STK32C: variants seen among roughly 807,000 people sequenced by gnomAD.
The protein encoded by STK32C is serine/threonine-protein kinase 32C.
Under a neutral mutation model 56.5 loss-of-function variants are expected in STK32C, and 31 were observed. The ratio of observed to expected loss-of-function variants is 0.55; its 90% CI spans 0.41 to 0.74. STK32C has a LOEUF of 0.74. STK32C is among the 30% of genes least tolerant of loss of function. The probability of loss-of-function intolerance (pLI) is 0.00; values close to 1 mark genes in which losing one functional copy is unlikely to be tolerated. For synonymous variants in STK32C, 309 were observed against 289.4 expected, an observed-to-expected ratio of 1.07 and a Z score of -0.69; for missense variants, 544 against 676.9, an observed-to-expected ratio of 0.80 and a Z score of 2.18.
At chr10:132,225,851 C>G in intron 4 of STK32C, 67 bp from the exon 5 acceptor site, 1 of 1,603,616 alleles carries the variant, frequency 6.2e-7, no homozygotes, top group Non-Finnish European at 8.5e-7. Context: ...GAATCTCTGT[C>G]ACAATCCCTG....
chr10:132,292,483 A>G (rs751224696), intron 1 of STK32C, among the ~76,000 whole-genome samples: 11 of 152,218 alleles, frequency 7.2e-5, no homozygotes, highest in African/African-American at 2.7e-4. Flanking sequence ...TCATGCATGC[A>G]CACACATTCA....
chr10:132,312,086 A>G (rs2066233981), upstream of STK32C, among the ~76,000 whole-genome samples: 1 of 152,188 alleles, frequency 6.6e-6, no homozygotes, highest in Non-Finnish European at 1.5e-5. Flanking sequence ...GGCTCACTGC[A>G]GCCTCGACCT....
intron 1 of STK32C, among the ~76,000 whole-genome samples, chr10:132,268,538 A>AC (rs2064685008): frequency 1.3e-5 from 1 of 76,014 alleles, no homozygotes; most frequent in African/African-American, 7.5e-5. Flanking sequence ...CATGCGTCAC[A>AC]TTGTGTGTGT....
chr10:132,211,340 C>T (rs539084492), intron 10 of STK32C, among the ~76,000 whole-genome samples: 2 of 152,236 alleles, frequency 1.3e-5, no homozygotes, highest in South Asian at 2.1e-4. Flanking sequence ...CTGGGGTGGG[C>T]GCCAGTGATG....
intron 1 of STK32C, among the ~76,000 whole-genome samples, chr10:132,329,971 C>T (rs1463205303): frequency 7.2e-6 from 1 of 138,036 alleles, no homozygotes; most frequent in African/African-American, 2.8e-5. Context: ...GGCAGGGTAG[C>T]AGCAGTCGCT....
chr10:132,252,908 A>T (rs1002489508), intron 1 of STK32C, among the ~76,000 whole-genome samples: 2 of 152,128 alleles, frequency 1.3e-5, no homozygotes, highest in African/African-American at 4.8e-5. Context: ...TTCTGCATCC[A>T]CACAGGTGGG....
chr10:132,327,295 C>T (rs1268859675), intron 1 of STK32C, among the ~76,000 whole-genome samples: 4 of 152,114 alleles, frequency 2.6e-5, no homozygotes. Context: ...GTGACTTGCT[C>T]CTCCTTACCT....
intron 1 of STK32C, among the ~76,000 whole-genome samples, chr10:132,276,520 G>A (rs936162686): frequency 6.6e-6 from 1 of 152,178 alleles, no homozygotes; most frequent in African/African-American, 2.4e-5. Flanking sequence ...GGCGGCTCAC[G>A]CCTGTCATCC....
At chr10:132,297,382 C>T (rs2065781504) in intron 1 of STK32C, among the ~76,000 whole-genome samples, 1 of 152,204 alleles carries the variant, frequency 6.6e-6, no homozygotes, top group Non-Finnish European at 1.5e-5. Flanking sequence ...CTGGTTAGCC[C>T]ACCCTGGGTT....
intron 1 of STK32C, chr10:132,249,091 G>A (rs1460035099): frequency 4.2e-6 from 2 of 477,874 alleles, no homozygotes; most frequent in South Asian, 1.5e-5. Flanking sequence ...CCAGCTGGGA[G>A]GCAGCAGCAA....
intron 10 of STK32C, among the ~76,000 whole-genome samples, chr10:132,215,995 CT>C (rs1279991513): frequency 6.6e-6 from 1 of 152,192 alleles, no homozygotes; most frequent in African/African-American, 2.4e-5. Flanking sequence ...CATTTTGCCC[CT>C]GCCCTAGAGA....
At chr10:132,257,448 C>T (rs1286963223) in intron 1 of STK32C, among the ~76,000 whole-genome samples, 3 of 152,042 alleles carry the variant, frequency 2.0e-5, no homozygotes, top group Non-Finnish European at 4.4e-5. Context: ...CTGAGAGCTC[C>T]CAGGGAGAGG....
intron 1 of STK32C, among the ~76,000 whole-genome samples, chr10:132,253,805 G>A (rs1053650156): frequency 3.9e-5 from 6 of 152,230 alleles, no homozygotes; most frequent in Non-Finnish European, 5.9e-5. Flanking sequence ...AGGCAAAAGC[G>A]TTAGGTAACA....
chr10:132,307,926 G>C lies in STK32C; in HGVS notation c.-93C>G, dbSNP rs985739245. 1.9e-5 allele frequency: 20 copies of C among 1,077,096 alleles called. No homozygotes were observed. The South Asian group carries it at 3.2e-4, about 17-fold the overall frequency. The allele number at this position is 1,077,096 out of a possible 1,614,324, so 66.7% of individuals were successfully genotyped here. ...AGTGGTAGCGGGAGCGCTCGGGGCC[G>C]GCAGCGCCCGCCGTGCGCTCTTCTG... On this transcript the variant is annotated 5_prime_UTR_variant, in exon 1 of 12. Transcript: ENST00000298630. This position sits in a 1 kb window ranked among gnomAD's most constrained non-coding sequence, Gnocchi z 4.4.
intron 1 of STK32C, among the ~76,000 whole-genome samples, chr10:132,302,717 A>C (rs145885532): frequency 6.6e-6 from 1 of 152,320 alleles, no homozygotes; most frequent in Non-Finnish European, 1.5e-5. Flanking sequence ...ACCTGACTGG[A>C]AAGTTTTCCC....
intron 1 of STK32C, among the ~76,000 whole-genome samples, chr10:132,290,513 G>A (rs538863247): frequency 1.3e-5 from 2 of 152,322 alleles, no homozygotes; most frequent in South Asian, 4.1e-4. Context: ...ACGCTCATAG[G>A]AGAGTGACAT....
At chr10:132,224,816 G>A (rs985438502) in intron 7 of STK32C, among the ~76,000 whole-genome samples, 2 of 151,632 alleles carry the variant, frequency 1.3e-5, no homozygotes, top group Non-Finnish European at 1.5e-5. Flanking sequence ...CCTCAGAGGT[G>A]GGGTCCTGTG....
intron 1 of STK32C, among the ~76,000 whole-genome samples, chr10:132,274,803 T>C (rs1040094568): frequency 6.6e-6 from 1 of 152,198 alleles, no homozygotes; most frequent in Non-Finnish European, 1.5e-5. Context: ...AAGTCACCTG[T>C]CGCTCCGCCG....
At chr10:132,257,752 C>T (rs1402003452) in intron 1 of STK32C, among the ~76,000 whole-genome samples, 1 of 151,830 alleles carries the variant, frequency 6.6e-6, no homozygotes, top group African/African-American at 2.4e-5. Context: ...CCACCAGGCC[C>T]CTCTGCAGAC....
Sources: allele counts gnomAD v4.1 joint callset (sites outside exome capture counted in the v4.1 genomes callset), GRCh38; gene constraint gnomAD v4.1.1; non-coding constraint Gnocchi (gnomAD v3.1); transcripts MANE v1.5; gene names NCBI Gene and HGNC (gene_info 2026-07-23, HGNC 2026-07-21).